The following CTTNBP2 variants were observed in gnomAD, a reference collection of about 807,000 sequenced individuals.
The protein encoded by CTTNBP2 is cortactin binding protein 2.
CTTNBP2 carries 108 observed loss-of-function variants against 156.9 expected under a neutral mutation model. That is an observed-to-expected ratio of 0.69 (90% confidence interval 0.59 to 0.81). CTTNBP2 has a LOEUF of 0.81. Among genes scored for constraint, CTTNBP2 ranks in the 30% least tolerant of loss-of-function variants. The pLI is 0.00. For missense variants in CTTNBP2, 1,924 were observed against 2,035.4 expected (o/e 0.95, Z 1.05); for synonymous variants, 767 against 751.8 (o/e 1.02, Z -0.33).
At chr7:117,866,170 C>T (rs1483731021) in intron 1 of CTTNBP2, among the ~76,000 whole-genome samples, 1 of 151,840 alleles carries the variant, frequency 6.6e-6, no homozygotes, top group African/African-American at 2.4e-5. Flanking sequence ...GCTGAGTAAA[C>T]TCATCTTAAA....
intron 3 of CTTNBP2, among the ~76,000 whole-genome samples, chr7:117,810,030 T>A (rs377717929): frequency 1.3e-3 from 193 of 152,342 alleles, no homozygotes; most frequent in African/African-American, 4.3e-3. Flanking sequence ...TATTTACTTA[T>A]TTCCTTATTA....
chr7:117,740,383 G>C (rs1349757626), intron 14 of CTTNBP2, among the ~76,000 whole-genome samples: 2 of 151,798 alleles, frequency 1.3e-5, no homozygotes, highest in African/African-American at 2.4e-5. Flanking sequence ...TTTCTTCTAC[G>C]GCGTCATAGA....
Position 117,711,100 on chromosome 7 carries a change from C to T in CTTNBP2, c.*437G>A. 6.5e-6 allele frequency: 1 copy of T among 153,496 alleles called. No individual in the cohort carries two copies. The highest frequency in any genetic ancestry group is 1.5e-5 in the Non-Finnish European group (1 of 68,610). The allele number at this position is 153,496 out of a possible 1,614,324, so 9.5% of individuals were successfully genotyped here. A position where few individuals can be genotyped will look rare whatever the true frequency, so the allele number is the denominator to read the frequency against. ...CAAGTGAACATAAAATTATGATCTCCATTTAAAACGGTACAAGTTATCTAA... is the reference window on the plus strand; with the variant it reads ...CAAGTGAACATAAAATTATGATCTCTATTTAAAACGGTACAAGTTATCTAA... On this transcript the variant is annotated 3_prime_UTR_variant, in exon 23 of 23. Coordinates refer to ENST00000160373, the MANE Select transcript of CTTNBP2 (RefSeq NM_033427.3).
intron 22 of CTTNBP2, among the ~76,000 whole-genome samples, chr7:117,715,475 TAAAAAAA>T (rs398048025): frequency 4.3e-5 from 5 of 116,384 alleles, no homozygotes; most frequent in East Asian, 2.4e-4. Flanking sequence ...GCCCTGAAGT[TAAAAAAA>T]AAAAAAAAAA....
chr7:117,773,705 A>ACC (rs1562992565), intron 8 of CTTNBP2, among the ~76,000 whole-genome samples: 4 of 127,550 alleles, frequency 3.1e-5, no homozygotes, highest in Admixed American at 8.2e-5. Context: ...ACACACACAC[A>ACC]CACCCCAAAA....
At chr7:117,861,178 G>T in intron 2 of CTTNBP2, 31 bp downstream of exon 2, 1 of 1,350,856 alleles carries the variant, frequency 7.4e-7, no homozygotes, top group Non-Finnish European at 1.1e-6. Flanking sequence ...AAATGATCCA[G>T]CATGGAGACC....
intron 8 of CTTNBP2, among the ~76,000 whole-genome samples, chr7:117,775,625 ACTC>A (rs1798054699): frequency 6.7e-6 from 1 of 148,406 alleles, no homozygotes; most frequent in South Asian, 2.2e-4. Context: ...GGTATAACGC[ACTC>A]CTATCATCAA....
intron 3 of CTTNBP2, among the ~76,000 whole-genome samples, chr7:117,796,200 C>T (rs34184681): frequency 0.023 from 3,494 of 152,320 alleles, 60 homozygotes; most frequent in African/African-American, 0.034. Context: ...CACTTAACTT[C>T]ATTCTCTCCC....
At chr7:117,848,287 C>T (rs977226783) in intron 2 of CTTNBP2, among the ~76,000 whole-genome samples, 1 of 152,174 alleles carries the variant, frequency 6.6e-6, no homozygotes, top group Non-Finnish European at 1.5e-5. Flanking sequence ...CAGCAGACCA[C>T]TCTGCTGTGG....
chr7:117,733,241 C>T (rs761547425), intron 16 of CTTNBP2, among the ~76,000 whole-genome samples: 1 of 152,156 alleles, frequency 6.6e-6, no homozygotes, highest in East Asian at 1.9e-4. Context: ...TTTTATTAAC[C>T]TACTTGAAGT....
At chr7:117,766,829 T>A (rs2116694444) in intron 9 of CTTNBP2, among the ~76,000 whole-genome samples, 2 of 152,230 alleles carry the variant, frequency 1.3e-5, no homozygotes, top group Middle Eastern at 6.8e-3. Context: ...CCTAGGTCAG[T>A]AAAATACAAG....
chr7:117,820,644 G>A (rs1800903419), intron 2 of CTTNBP2, among the ~76,000 whole-genome samples: 1 of 152,146 alleles, frequency 6.6e-6, no homozygotes, highest in African/African-American at 2.4e-5. Context: ...TTTCCCCATT[G>A]AATATCTCTG....
chr7:117,819,413 ACG>A (rs1554438290), intron 2 of CTTNBP2, among the ~76,000 whole-genome samples: 20 of 146,914 alleles, frequency 1.4e-4, no homozygotes, highest in African/African-American at 5.1e-4. Context: ...ACACACACAC[ACG>A]GAATGGCTGG....
intron 4 of CTTNBP2, among the ~76,000 whole-genome samples, chr7:117,787,989 T>C (rs1798794371): frequency 6.6e-6 from 1 of 152,160 alleles, no homozygotes; most frequent in African/African-American, 2.4e-5. Context: ...TGGTTTAATG[T>C]TTTGAGACAT....
At chr7:117,848,308 T>C (rs956819594) in intron 2 of CTTNBP2, among the ~76,000 whole-genome samples, 1 of 152,116 alleles carries the variant, frequency 6.6e-6, no homozygotes, top group African/African-American at 2.4e-5. Flanking sequence ...TGCCCATCCC[T>C]CTCGAAATCC....
intron 22 of CTTNBP2, among the ~76,000 whole-genome samples, chr7:117,715,328 A>AGAAAT (rs1302944028): frequency 4.6e-5 from 7 of 152,172 alleles, no homozygotes; most frequent in Admixed American, 4.6e-4. Context: ...TTGGAAAGAA[A>AGAAAT]GAAATGGGTG....
chr7:117,826,976 C>G (rs916429230), intron 2 of CTTNBP2, among the ~76,000 whole-genome samples: 4 of 151,860 alleles, frequency 2.6e-5, no homozygotes, highest in African/African-American at 9.7e-5. Flanking sequence ...ATTCTCCTGC[C>G]TCAGCCTCAG....
At chr7:117,716,013 A>T (rs1405280218) in intron 22 of CTTNBP2, 5 of 149,984 alleles carry the variant, frequency 3.3e-5, no homozygotes, top group Admixed American at 6.6e-5. Flanking sequence ...TCTGAGAAAA[A>T]CATCATCTAG....
At chr7:117,842,051 C>T (rs2117139300) in intron 2 of CTTNBP2, among the ~76,000 whole-genome samples, 1 of 152,224 alleles carries the variant, frequency 6.6e-6, no homozygotes, top group South Asian at 2.1e-4. Context: ...ACAAGCTCTT[C>T]CAGGCTTCAT....
Sources: gnomAD v4.1 joint callset for allele counts (sites outside exome capture counted in the v4.1 genomes callset) on GRCh38, gnomAD v4.1.1 for gene constraint, MANE v1.5 for transcripts, NCBI Gene and HGNC (gene_info 2026-07-23, HGNC 2026-07-21) for gene names.